The following TAS2R1 variants were observed in gnomAD, a reference collection of about 807,000 sequenced individuals.
The protein encoded by TAS2R1 is taste 2 receptor member 1, also known as taste receptor type 2 member 1.
For missense variants in TAS2R1, 370 were observed against 353.4 expected (o/e 1.05, Z -0.38); for synonymous variants, 141 against 134.2 (o/e 1.05, Z -0.35).
At chr5:9,835,050 G>A in the TAS2R1 span, among the ~76,000 whole-genome samples, 1 of 152,204 alleles carries the variant, frequency 6.6e-6, no homozygotes, top group African/African-American at 2.4e-5. Flanking sequence ...ACCCCTAGGG[G>A]CACGGCAGCA....
At chr5:9,672,607 G>A (rs372420059) in intron 1 of TAS2R1, among the ~76,000 whole-genome samples, 1 of 152,112 alleles carries the variant, frequency 6.6e-6, no homozygotes, top group East Asian at 1.9e-4. Context: ...AGTAAAAATG[G>A]CTACTAATAA....
the TAS2R1 span, among the ~76,000 whole-genome samples, chr5:9,762,140 G>T: frequency 1.2e-3 from 184 of 152,240 alleles, 2 homozygotes; most frequent in Non-Finnish European, 2.3e-3. Context: ...AATAATAAAA[G>T]AATATGCTGT....
At chr5:9,806,036 G>T in the TAS2R1 span, among the ~76,000 whole-genome samples, 2 of 152,044 alleles carry the variant, frequency 1.3e-5, no homozygotes, top group South Asian at 4.1e-4. Context: ...ACTGGAAAAT[G>T]ATTTCAGCAA....
At chr5:9,900,905 T>C in the TAS2R1 span, among the ~76,000 whole-genome samples, 2 of 152,070 alleles carry the variant, frequency 1.3e-5, no homozygotes, top group East Asian at 3.9e-4. Flanking sequence ...TTAATTTGCG[T>C]GGGGAAGAAT....
rs1579759511 is a variant in TAS2R1 at position 9,630,180 on chromosome 5, T to G, written c.-148A>C. The stretch of plus-strand genomic sequence containing the variant: ...CATGGGGCAGGAAGGTGGTGTACAT[T>G]TGTTTATGTCACTGCTTTCTCTATT... On this transcript the variant is annotated 5_prime_UTR_variant, in exon 1 of 1. Coordinates refer to ENST00000382492, the MANE Select transcript of TAS2R1 (RefSeq NM_019599.3). The G allele has an allele frequency of 6.0e-5, 36 of 599,560 alleles. No individual in the cohort carries two copies. The East Asian group carries it at 1.1e-3, about 17-fold the overall frequency. 37.1% of individuals were successfully genotyped at this position (599,560 alleles called of 1,614,324 possible). A position where few individuals can be genotyped will look rare whatever the true frequency, so the allele number is the denominator to read the frequency against.
At chr5:9,858,925 A>T in the TAS2R1 span, among the ~76,000 whole-genome samples, 1 of 152,366 alleles carries the variant, frequency 6.6e-6, no homozygotes, top group East Asian at 1.9e-4. Context: ...TAGGTAGCAG[A>T]CAAGCTGTAA....
chr5:9,690,705 C>G lies in TAS2R1; in HGVS notation c.-242+21467G>C, dbSNP rs139146877. On this transcript the variant is annotated intron_variant, in intron 1 of 2. Coordinates refer to the TAS2R1 transcript ENST00000506620. ...TTGCTTCTGAATTTGTAACTGGACA[C>G]AGACATAAACAAGCAGAAGATGCTT... is the stretch of plus-strand genomic sequence containing the variant. Among the ~76,000 whole-genome samples the G allele has an allele frequency of 1.3e-3, 197 of 151,924 alleles. 1 individual carries two copies. Among genetic ancestry groups the G allele is most frequent in the African/African-American group, 4.6e-3 (189 of 41,438 alleles).
the TAS2R1 span, among the ~76,000 whole-genome samples, chr5:9,768,800 T>C: frequency 6.6e-6 from 1 of 152,192 alleles, no homozygotes; most frequent in Non-Finnish European, 1.5e-5. Context: ...GGGTACGTAA[T>C]AGGTGTATAT....
the TAS2R1 span, among the ~76,000 whole-genome samples, chr5:9,827,699 C>A: frequency 2.0e-5 from 3 of 152,136 alleles, no homozygotes; most frequent in Non-Finnish European, 2.9e-5. Context: ...GGGACTATCA[C>A]TTGAACCTGG....
chr5:9,893,103 T>C, the TAS2R1 span, among the ~76,000 whole-genome samples: 1 of 152,136 alleles, frequency 6.6e-6, no homozygotes, highest in African/African-American at 2.4e-5. Flanking sequence ...GTTCCCCCAA[T>C]AATTCTTACA....
intron 2 of TAS2R1, among the ~76,000 whole-genome samples, chr5:9,651,293 C>G (rs1419527959): frequency 6.6e-6 from 1 of 152,154 alleles, no homozygotes; most frequent in African/African-American, 2.4e-5. Context: ...TAACATAAAT[C>G]TGTGCAGTGA....
chr5:9,653,296 C>T (rs983628815), intron 2 of TAS2R1, among the ~76,000 whole-genome samples: 5 of 152,188 alleles, frequency 3.3e-5, no homozygotes, highest in African/African-American at 9.6e-5. Flanking sequence ...TAGCATACGT[C>T]AGAATTCCCT....
At chr5:9,858,663 T>A in the TAS2R1 span, among the ~76,000 whole-genome samples, 3 of 152,188 alleles carry the variant, frequency 2.0e-5, no homozygotes, top group Non-Finnish European at 4.4e-5. Flanking sequence ...ATTAACAAAA[T>A]GTCAGAACAA....
chr5:9,797,093 T>C, the TAS2R1 span, among the ~76,000 whole-genome samples: 6 of 152,172 alleles, frequency 3.9e-5, no homozygotes, highest in Non-Finnish European at 7.3e-5. Context: ...TCACCAATCC[T>C]CAGCCTTTGC....
chr5:9,733,457 G>A, the TAS2R1 span, among the ~76,000 whole-genome samples: 1 of 152,222 alleles, frequency 6.6e-6, no homozygotes, highest in South Asian at 2.1e-4. Flanking sequence ...AGTGACTGCT[G>A]CTAGGCAATA....
intron 1 of TAS2R1, among the ~76,000 whole-genome samples, chr5:9,697,453 A>G (rs929927973): frequency 1.3e-5 from 2 of 152,196 alleles, no homozygotes; most frequent in Non-Finnish European, 2.9e-5. Flanking sequence ...GTAAAGGCAC[A>G]TTAGGCCAAA....
At chr5:9,804,894 G>A in the TAS2R1 span, among the ~76,000 whole-genome samples, 511 of 151,812 alleles carry the variant, frequency 3.4e-3, 2 homozygotes, top group Admixed American at 6.6e-3. Context: ...AATCAAGATC[G>A]AGCAGAACTA....
At chr5:9,746,839 T>A in the TAS2R1 span, among the ~76,000 whole-genome samples, 5 of 152,080 alleles carry the variant, frequency 3.3e-5, no homozygotes, top group South Asian at 1.0e-3. Flanking sequence ...ACCTAGATGA[T>A]GGGTTGATAG....
At chr5:9,782,852 T>C in the TAS2R1 span, among the ~76,000 whole-genome samples, 2,197 of 152,174 alleles carry the variant, frequency 0.014, 58 homozygotes, top group African/African-American at 0.05. Context: ...TGAAAACCAA[T>C]GGAGCAAAAG....
Sources: gnomAD v4.1 joint callset for allele counts (sites outside exome capture counted in the v4.1 genomes callset) on GRCh38, gnomAD v4.1.1 for gene constraint, MANE v1.5 for transcripts, NCBI Gene and HGNC (gene_info 2026-07-23, HGNC 2026-07-21) for gene names.